CNTN5: variants seen among roughly 807,000 people sequenced by gnomAD.
The protein encoded by CNTN5 is contactin-5.
A neutral mutation model predicts 129.1 loss-of-function variants in CNTN5; 77 were observed. The ratio of observed to expected loss-of-function variants is 0.60; its 90% CI spans 0.50 to 0.72. The LOEUF (loss-of-function observed/expected upper bound fraction) is 0.72. Ranked by LOEUF, CNTN5 falls within the 30% of genes least tolerant of loss-of-function variation. The probability of loss-of-function intolerance (pLI) is 0.00; values close to 1 mark genes in which losing one functional copy is unlikely to be tolerated. For synonymous variants in CNTN5, 509 were observed against 465.6 expected, an observed-to-expected ratio of 1.09 and a Z score of -1.20; for missense variants, 1,478 against 1,328.8, an observed-to-expected ratio of 1.11 and a Z score of -1.75.
chr11:99,780,778 A>G (rs1254838375), intron 3 of CNTN5, among the ~76,000 whole-genome samples: 1 of 152,084 alleles, frequency 6.6e-6, no homozygotes, highest in East Asian at 1.9e-4. Flanking sequence ...GTTTGATGTT[A>G]TGACATAGAG....
At chr11:100,149,448 T>TAATA (rs2138298968) in intron 13 of CNTN5, among the ~76,000 whole-genome samples, 1 of 152,312 alleles carries the variant, frequency 6.6e-6, no homozygotes, top group African/African-American at 2.4e-5. Flanking sequence ...TCTGACACCA[T>TAATA]AATAAATGCT....
intron 3 of CNTN5, among the ~76,000 whole-genome samples, chr11:99,714,030 G>A (rs1285101099): frequency 6.6e-6 from 1 of 151,836 alleles, no homozygotes; most frequent in Non-Finnish European, 1.5e-5. Context: ...CTGAACTATA[G>A]CTCTTTGGGG....
At chr11:99,867,796 T>C (rs947143177) in intron 6 of CNTN5, among the ~76,000 whole-genome samples, 4 of 152,304 alleles carry the variant, frequency 2.6e-5, no homozygotes, top group South Asian at 4.1e-4. Flanking sequence ...TAGCCTAACA[T>C]AGTCAAAGAT....
intron 16 of CNTN5, among the ~76,000 whole-genome samples, chr11:100,235,769 A>G (rs1949600341): frequency 6.6e-6 from 1 of 152,112 alleles, no homozygotes; most frequent in African/African-American, 2.4e-5. Context: ...ATACTTTTAT[A>G]TACTGTTGTC....
chr11:100,251,126 C>A (rs892526898), intron 16 of CNTN5, among the ~76,000 whole-genome samples: 4 of 152,158 alleles, frequency 2.6e-5, no homozygotes, highest in African/African-American at 9.7e-5. Context: ...ACTCTTTAGG[C>A]AAGTTCCAGT....
chr11:99,428,392 T>C (rs1943222352), intron 2 of CNTN5, among the ~76,000 whole-genome samples: 1 of 151,856 alleles, frequency 6.6e-6, no homozygotes, highest in Non-Finnish European at 1.5e-5. Context: ...AAACCTCATC[T>C]CTACAAAAAC....
chr11:99,483,517 C>T (rs1945686931), intron 2 of CNTN5, among the ~76,000 whole-genome samples: 2 of 152,052 alleles, frequency 1.3e-5, no homozygotes, highest in South Asian at 2.1e-4. Context: ...CACCCAACTC[C>T]GGAGATTTTA....
At chr11:100,094,763 GGAAAGGAA>G (rs1411592625) in intron 13 of CNTN5, among the ~76,000 whole-genome samples, 20 of 95,080 alleles carry the variant, frequency 2.1e-4, no homozygotes, top group African/African-American at 8.0e-4. Flanking sequence ...GAGGGAGGGA[GGAAAGGAA>G]GGAAGGAAGG....
intron 1 of CNTN5, among the ~76,000 whole-genome samples, chr11:99,144,097 A>T (rs1192517424): frequency 6.6e-6 from 1 of 152,202 alleles, no homozygotes; most frequent in Non-Finnish European, 1.5e-5. Context: ...TAAATTTTAC[A>T]TATGAAATAC....
intron 2 of CNTN5, among the ~76,000 whole-genome samples, chr11:99,523,039 A>G (rs376854875): frequency 3.0e-4 from 46 of 152,292 alleles, no homozygotes; most frequent in African/African-American, 5.8e-4. Context: ...ATTATTTCAC[A>G]TTATGTTCCA....
chr11:100,272,676 G>A (rs1244858158), intron 18 of CNTN5, among the ~76,000 whole-genome samples: 1 of 152,150 alleles, frequency 6.6e-6, no homozygotes, highest in Non-Finnish European at 1.5e-5. Context: ...AAAACACAGA[G>A]GTTGGGCTGA....
At chr11:99,289,064 C>T (rs187443113) in intron 1 of CNTN5, among the ~76,000 whole-genome samples, 23 of 151,774 alleles carry the variant, frequency 1.5e-4, no homozygotes, top group African/African-American at 3.6e-4. Flanking sequence ...ATTTATTTTC[C>T]GATTCTCAAT....
Position 100,224,788 on chromosome 11 carries a change from G to C in CNTN5, c.1981G>C (p.Asp661His). The C allele has an allele frequency of 3.1e-6, 5 of 1,613,218 alleles. No individual in the cohort carries two copies. Among genetic ancestry groups the C allele is most frequent in the Non-Finnish European group, 4.2e-6 (5 of 1,179,272 alleles). ...ACAGACCACAGCAGACAGTGTGTCA[G>C]ATGAGGCAGAACTTCTTGTTAGGGG... ...RVQTTADSVS[D>H]EAELLVRGPP... The change falls in exon 16 of 25, where the codon GAT (aspartate) becomes CAT (histidine). Residue 661 changes from aspartate (D) to histidine (H), a missense_variant. Physicochemically the swap from Asp to His is moderately conservative, Grantham distance 81. Transcript: ENST00000524871.
intron 1 of CNTN5, among the ~76,000 whole-genome samples, chr11:99,282,538 G>A (rs757966625): frequency 4.9e-4 from 74 of 151,962 alleles, no homozygotes; most frequent in Non-Finnish European, 6.8e-4. Context: ...AAGAAATGAA[G>A]ATTATGGTAA....
chr11:99,198,519 T>C lies in CNTN5; in HGVS notation c.-209-126827T>C, dbSNP rs539915758. Among the ~76,000 whole-genome samples the C allele has an allele frequency of 3.3e-5, 5 of 152,222 alleles. No individual in the cohort carries two copies. In the East Asian group the frequency reaches 9.7e-4, roughly 29 times the overall value. On this transcript the variant is annotated intron_variant, in intron 1 of 24. Transcript: ENST00000524871. Reference sequence around the variant, plus strand: ...GTTATGGGTGCTCTAACCACGTTCATTGATATTTAAAGGGAAAACAAATAA... The same window carrying C: ...GTTATGGGTGCTCTAACCACGTTCACTGATATTTAAAGGGAAAACAAATAA...
chr11:99,141,492 T>C (rs1307726044), intron 1 of CNTN5, among the ~76,000 whole-genome samples: 1 of 152,160 alleles, frequency 6.6e-6, no homozygotes, highest in Non-Finnish European at 1.5e-5. Flanking sequence ...TTTGTATGTT[T>C]TCTTATTTCA....
At chr11:99,509,546 T>C (rs929602708) in intron 2 of CNTN5, among the ~76,000 whole-genome samples, 24 of 152,188 alleles carry the variant, frequency 1.6e-4, no homozygotes, top group African/African-American at 5.3e-4. Flanking sequence ...AAGCAGTCTT[T>C]TAAAATATAA....
At chr11:100,259,950 T>A (rs751917321) in intron 17 of CNTN5, among the ~76,000 whole-genome samples, 1 of 150,494 alleles carries the variant, frequency 6.6e-6, no homozygotes, top group Non-Finnish European at 1.5e-5. Flanking sequence ...AAGACCACAA[T>A]AGAAATGAAG....
chr11:99,378,974 T>G (rs1940354513), intron 2 of CNTN5, among the ~76,000 whole-genome samples: 1 of 152,074 alleles, frequency 6.6e-6, no homozygotes, highest in South Asian at 2.1e-4. Context: ...CATGAATTCA[T>G]AAGTCTTTTT....
Sources: gnomAD v4.1 joint callset for allele counts (sites outside exome capture counted in the v4.1 genomes callset) on GRCh38, gnomAD v4.1.1 for gene constraint, MANE v1.5 for transcripts, NCBI Gene and HGNC (gene_info 2026-07-23, HGNC 2026-07-21) for gene names.